Variants in FRMD4A observed in about 807,000 individuals in gnomAD.
FRMD4A encodes FERM domain containing 4A.
In FRMD4A, 29 loss-of-function variants were observed where a neutral mutation model predicts 129.1. The ratio of observed to expected loss-of-function variants is 0.22; its 90% CI spans 0.17 to 0.31. The LOEUF is 0.31. Ranked by LOEUF, FRMD4A falls within the 10% of genes least tolerant of loss-of-function variation. The probability of loss-of-function intolerance (pLI) is 1.00; values close to 1 mark genes in which losing one functional copy is unlikely to be tolerated. For synonymous variants in FRMD4A, 634 were observed against 571.6 expected (o/e 1.11, Z -1.56); for missense variants, 1,272 against 1,375.8 (o/e 0.92, Z 1.19).
intron 2 of FRMD4A, among the ~76,000 whole-genome samples, chr10:14,085,921 G>C (rs1384200614): frequency 5.9e-5 from 9 of 152,180 alleles, no homozygotes; most frequent in Non-Finnish European, 1.3e-4. Flanking sequence ...ATTCTGATTA[G>C]TAAAGCAGCC....
At chr10:14,028,975 C>G (rs1006116506) in intron 2 of FRMD4A, among the ~76,000 whole-genome samples, 4 of 152,196 alleles carry the variant, frequency 2.6e-5, no homozygotes, top group African/African-American at 7.2e-5. Flanking sequence ...TTGATCAAAG[C>G]TTGGTGGCCA....
rs114114391 is a variant in FRMD4A at position 14,045,486 on chromosome 10, T to C, written c.46-186574A>G. On this transcript the variant is annotated intron_variant, in intron 2 of 24. Transcript: ENST00000357447. ...CCCCCTTTCATGGTGAGTTATATAC[T>C]TTAAACACATTTATTATAAAACATT... Among the ~76,000 whole-genome samples, 566 of 152,144 alleles carry C rather than the reference T, an allele frequency of 3.7e-3. 5 individuals carry two copies. Among genetic ancestry groups the C allele is most frequent in the African/African-American group, 0.013 (545 of 41,540 alleles).
At chr10:14,238,129 T>TTACA (rs1407027053) in intron 2 of FRMD4A, among the ~76,000 whole-genome samples, 3 of 152,198 alleles carry the variant, frequency 2.0e-5, no homozygotes, top group African/African-American at 7.2e-5. Context: ...AAGGCACCAG[T>TTACA]TACACTTCTC....
In FRMD4A at chr10:13,865,505, C is replaced by T. The variant is rs184222575; in HGVS notation, c.46-6593G>A. On this transcript the variant is annotated intron_variant, in intron 2 of 24. Transcript: ENST00000357447. The stretch of plus-strand genomic sequence containing the variant: ...TTGCTCTGTCTCCTAGGCTGGAGTG[C>T]GTTGGTGCTATCATAGCTCACTGCA... 1.5e-3 allele frequency among the ~76,000 whole-genome samples: 223 copies of T among 145,084 alleles called. 1 individual carries two copies. Among genetic ancestry groups the T allele is most frequent in the African/African-American group, 5.2e-3 (209 of 39,836 alleles).
intron 12 of FRMD4A, among the ~76,000 whole-genome samples, chr10:13,728,868 A>G (rs2090115578): frequency 1.3e-5 from 2 of 152,062 alleles, no homozygotes; most frequent in Admixed American, 6.5e-5. Flanking sequence ...CACCGTGCCC[A>G]GCCGATGACC....
chr10:13,701,304 A>T (rs774278023), intron 14 of FRMD4A, 36 bp downstream of exon 14: 2 of 1,593,004 alleles, frequency 1.3e-6, no homozygotes, highest in Admixed American at 1.7e-5. Flanking sequence ...AGAGGCAGAC[A>T]ATGGCCCGGG....
intron 2 of FRMD4A, among the ~76,000 whole-genome samples, chr10:13,923,539 G>A (rs1049768434): frequency 6.6e-6 from 1 of 152,200 alleles, no homozygotes. Flanking sequence ...TCATGTATAT[G>A]CTATGATACA....
intron 2 of FRMD4A, among the ~76,000 whole-genome samples, chr10:13,881,859 G>A (rs2094549567): frequency 6.6e-6 from 1 of 151,350 alleles, no homozygotes; most frequent in Non-Finnish European, 1.5e-5. Context: ...AGGGAACACT[G>A]GAGGCTCCAA....
At chr10:13,820,519 G>C (rs934338986) in intron 3 of FRMD4A, among the ~76,000 whole-genome samples, 5 of 150,466 alleles carry the variant, frequency 3.3e-5, no homozygotes, top group African/African-American at 1.2e-4. Flanking sequence ...CAAAAGAGTT[G>C]CCACTTCTGA....
At chr10:14,166,783 A>G (rs1841202482) in intron 2 of FRMD4A, among the ~76,000 whole-genome samples, 1 of 152,216 alleles carries the variant, frequency 6.6e-6, no homozygotes, top group Admixed American at 6.5e-5. Context: ...GAATTTGCCC[A>G]TATTATTTCA....
chr10:14,052,975 G>A (rs11818908), intron 2 of FRMD4A, among the ~76,000 whole-genome samples: 7,644 of 152,038 alleles, frequency 0.05, 327 homozygotes, highest in East Asian at 0.13. Flanking sequence ...CCCACAACCC[G>A]AACATCTCTC....
chr10:14,139,285 C>T (rs1049520049), intron 2 of FRMD4A, among the ~76,000 whole-genome samples: 4 of 152,052 alleles, frequency 2.6e-5, no homozygotes, highest in Non-Finnish European at 5.9e-5. Flanking sequence ...ACTTAGTTTA[C>T]AATTTCTGTA....
intron 2 of FRMD4A, among the ~76,000 whole-genome samples, chr10:14,252,998 G>A (rs889187157): frequency 1.3e-5 from 2 of 151,748 alleles, no homozygotes; most frequent in Non-Finnish European, 2.9e-5. Context: ...CACCTTATTA[G>A]ATAAGTTATA....
intron 2 of FRMD4A, among the ~76,000 whole-genome samples, chr10:13,931,380 G>A (rs960682833): frequency 6.6e-6 from 1 of 152,190 alleles, no homozygotes; most frequent in African/African-American, 2.4e-5. Flanking sequence ...TTTAGCACTG[G>A]CCAAATCCAT....
Position 13,739,040 on chromosome 10 carries a change from C to T in FRMD4A, c.673-1110G>A, listed in dbSNP as rs575346634. ...AGCTAGGATTTTATAGTGAGCATAT[C>T]AAGCAGCTTTTCCCTAATTGCCAAG... On this transcript the variant is annotated intron_variant, in intron 11 of 24. Coordinates refer to ENST00000357447, the MANE Select transcript of FRMD4A (RefSeq NM_018027.5). Among the ~76,000 whole-genome samples the T allele has an allele frequency of 4.6e-5, 7 of 152,342 alleles. No homozygotes were observed. In the South Asian group the frequency reaches 1.4e-3, roughly 32 times the overall value.
intron 2 of FRMD4A, among the ~76,000 whole-genome samples, chr10:14,035,572 T>C (rs1833460099): frequency 6.6e-6 from 1 of 152,174 alleles, no homozygotes; most frequent in Non-Finnish European, 1.5e-5. Context: ...AAATTTAGCT[T>C]GATAGAAAAA....
chr10:14,285,024 T>C (rs754007729), intron 2 of FRMD4A, among the ~76,000 whole-genome samples: 2 of 152,228 alleles, frequency 1.3e-5, no homozygotes, highest in Non-Finnish European at 2.9e-5. Context: ...ATACAGCCTT[T>C]GCTTATTTAA....
At chr10:13,911,643 C>T (rs983095172) in intron 2 of FRMD4A, among the ~76,000 whole-genome samples, 1 of 152,128 alleles carries the variant, frequency 6.6e-6, no homozygotes, top group Non-Finnish European at 1.5e-5. Flanking sequence ...CTCACTGCAA[C>T]CTCCGCCTCC....
At chr10:13,745,537 T>C (rs1051669507) in intron 9 of FRMD4A, among the ~76,000 whole-genome samples, 4 of 152,236 alleles carry the variant, frequency 2.6e-5, no homozygotes, top group African/African-American at 7.2e-5. Flanking sequence ...GATGTTCATA[T>C]GCAGAAGAGA....
Sources: allele counts gnomAD v4.1 joint callset (sites outside exome capture counted in the v4.1 genomes callset), GRCh38; gene constraint gnomAD v4.1.1; transcripts MANE v1.5; gene names NCBI Gene and HGNC (gene_info 2026-07-23, HGNC 2026-07-21).